KCNIP1: variants seen among roughly 807,000 people sequenced by gnomAD.
KCNIP1 encodes the protein potassium voltage-gated channel interacting protein 1, also known as A-type potassium channel modulatory protein KCNIP1.
KCNIP1 carries 18 observed loss-of-function variants against 33.0 expected under a neutral mutation model. The ratio of observed to expected loss-of-function variants is 0.55; its 90% CI spans 0.38 to 0.81. KCNIP1 has a LOEUF of 0.81. KCNIP1 is among the 30% of genes least tolerant of loss of function. The pLI is 0.00. For synonymous variants in KCNIP1, 93 were observed against 98.3 expected, an observed-to-expected ratio of 0.95 and a Z score of 0.32; for missense variants, 238 against 271.6, an observed-to-expected ratio of 0.88 and a Z score of 0.87.
chr5:170,449,755 CAAT>C (rs1348860057), intron 1 of KCNIP1, among the ~76,000 whole-genome samples: 1 of 152,328 alleles, frequency 6.6e-6, no homozygotes, highest in East Asian at 1.9e-4. Flanking sequence ...TACTCCTGAG[CAAT>C]GGGTCAGCTA....
chr5:170,580,106 C>T (rs536834152), intron 1 of KCNIP1, among the ~76,000 whole-genome samples: 11 of 152,260 alleles, frequency 7.2e-5, no homozygotes, highest in Admixed American at 2.6e-4. Context: ...GTCCCCTGGA[C>T]GCTGATTGCT....
At chr5:170,540,952 C>T (rs1002085339) in intron 1 of KCNIP1, among the ~76,000 whole-genome samples, 2 of 152,194 alleles carry the variant, frequency 1.3e-5, no homozygotes, top group African/African-American at 4.8e-5. Context: ...AATGTGCCCT[C>T]TCTGAGCCCT....
At chr5:170,471,316 G>A (rs1037538598) in intron 1 of KCNIP1, among the ~76,000 whole-genome samples, 2 of 152,186 alleles carry the variant, frequency 1.3e-5, no homozygotes, top group African/African-American at 4.8e-5. Context: ...ACCCAAATAA[G>A]AGAGTTGCTC....
chr5:170,396,164 T>C (rs182347376), intron 1 of KCNIP1, among the ~76,000 whole-genome samples: 3 of 152,272 alleles, frequency 2.0e-5, no homozygotes, highest in African/African-American at 4.8e-5. Context: ...AATGAAGGTG[T>C]GGACAGGTTA....
intron 1 of KCNIP1, among the ~76,000 whole-genome samples, chr5:170,456,725 CTTG>C (rs1756390486): frequency 6.9e-6 from 1 of 144,432 alleles, no homozygotes; most frequent in African/African-American, 2.6e-5. Flanking sequence ...TTCTTTCTTT[CTTG>C]TTTCTTTTGA....
At chr5:170,660,535 T>TA (rs1461081956) in intron 1 of KCNIP1, among the ~76,000 whole-genome samples, 3 of 152,196 alleles carry the variant, frequency 2.0e-5, no homozygotes, top group Non-Finnish European at 4.4e-5. Context: ...GGGTGGCAGC[T>TA]AAAGAGCTAG....
chr5:170,444,930 C>T (rs1323682390), intron 1 of KCNIP1, among the ~76,000 whole-genome samples: 3 of 152,166 alleles, frequency 2.0e-5, no homozygotes, highest in Non-Finnish European at 4.4e-5. Flanking sequence ...TGAGTTGGGG[C>T]CACACGGTGG....
chr5:170,590,878 C>T lies in KCNIP1; in HGVS notation c.61+86245C>T, dbSNP rs140189562. 2.1e-3 allele frequency among the ~76,000 whole-genome samples: 313 copies of T among 152,302 alleles called. 2 individuals carry two copies. The highest frequency in any genetic ancestry group is 7.1e-3 in the African/African-American group (297 of 41,568). ...CTTCCATCCTGAAGCTCCCCATCCT[C>T]GCCCTTACACTGCTGGCTGGGAAAG... On this transcript the variant is annotated intron_variant, in intron 1 of 7. Coordinates refer to ENST00000328939, the MANE Select transcript of KCNIP1 (RefSeq NM_014592.4).
intron 1 of KCNIP1, among the ~76,000 whole-genome samples, chr5:170,455,931 C>T (rs1231187769): frequency 6.6e-6 from 1 of 152,150 alleles, no homozygotes; most frequent in Non-Finnish European, 1.5e-5. Context: ...ACCAGAAATA[C>T]CATTTGACCC....
At chr5:170,551,903 AGT>A (rs748951264) in intron 1 of KCNIP1, among the ~76,000 whole-genome samples, 6 of 149,378 alleles carry the variant, frequency 4.0e-5, no homozygotes, top group Admixed American at 6.7e-5. Context: ...CGAGTGTGTG[AGT>A]GTGTGTATGT....
chr5:170,387,281 G>A (rs973786770), intron 1 of KCNIP1, among the ~76,000 whole-genome samples: 2 of 152,138 alleles, frequency 1.3e-5, no homozygotes, highest in African/African-American at 2.4e-5. Context: ...GTTTTTGTTT[G>A]TTTAATTAGC....
chr5:170,642,225 G>C (rs1760593420), intron 1 of KCNIP1: 1 of 152,532 alleles, frequency 6.6e-6, no homozygotes, highest in African/African-American at 2.4e-5. Context: ...CTTGGTGCTG[G>C]GGACATGCCG....
upstream of KCNIP1, among the ~76,000 whole-genome samples, chr5:170,503,763 CAT>C (rs1239586329): frequency 3.4e-4 from 48 of 143,230 alleles, no homozygotes; most frequent in African/African-American, 1.0e-3. Flanking sequence ...CACACACACA[CAT>C]ACACACACAC....
intron 1 of KCNIP1, among the ~76,000 whole-genome samples, chr5:170,518,605 G>A (rs1287674601): frequency 6.6e-6 from 1 of 152,212 alleles, no homozygotes; most frequent in Non-Finnish European, 1.5e-5. Flanking sequence ...TAACGCGGGG[G>A]TTATCAGGCA....
At chr5:170,643,649 C>T (rs908234188) in intron 1 of KCNIP1, among the ~76,000 whole-genome samples, 1 of 152,264 alleles carries the variant, frequency 6.6e-6, no homozygotes, top group Non-Finnish European at 1.5e-5. Context: ...CTGTGAGCCT[C>T]TCATCAGACC....
chr5:170,499,257 G>A (rs192184260), upstream of KCNIP1, among the ~76,000 whole-genome samples: 77 of 152,278 alleles, frequency 5.1e-4, no homozygotes, highest in Non-Finnish European at 9.1e-4. Context: ...CAGATGAAGA[G>A]CAAAGATGGG....
In KCNIP1 at chr5:170,631,507, AGGCAAAAGAAACGCAGG is replaced by A. The variant is rs532308415; in HGVS notation, c.62-87247_62-87231del. The stretch of plus-strand genomic sequence containing the variant: ...CTCCAGACCCAAGCAGGAGAGCAGG[AGGCAAAAGAAACGCAGG>A]GGCTTTCCCGAATGGAATTTTAGAA... On this transcript the variant is annotated intron_variant, in intron 1 of 7. Transcript: ENST00000328939. 5.9e-5 allele frequency among the ~76,000 whole-genome samples: 9 copies of A among 152,246 alleles called. 1 individual carries two copies. The highest frequency in any genetic ancestry group is 2.2e-4 in the African/African-American group (9 of 41,546).
intron 1 of KCNIP1, among the ~76,000 whole-genome samples, chr5:170,537,800 C>G (rs1461217062): frequency 6.6e-6 from 1 of 152,074 alleles, no homozygotes; most frequent in Non-Finnish European, 1.5e-5. Flanking sequence ...TGCTTCTGTC[C>G]CAGGGCACTG....
chr5:170,587,009 G>A (rs1758012312), intron 1 of KCNIP1, among the ~76,000 whole-genome samples: 1 of 152,188 alleles, frequency 6.6e-6, no homozygotes, highest in South Asian at 2.1e-4. Context: ...GCAAGTAAAG[G>A]TGCCAGCCCC....
Sources: allele counts gnomAD v4.1 joint callset (sites outside exome capture counted in the v4.1 genomes callset), GRCh38; gene constraint gnomAD v4.1.1; transcripts MANE v1.5; gene names NCBI Gene and HGNC (gene_info 2026-07-23, HGNC 2026-07-21).